The following TSPEAR variants were observed in gnomAD, a reference collection of about 807,000 sequenced individuals.
TSPEAR encodes thrombospondin-type laminin G domain and EAR repeat-containing protein.
A neutral mutation model predicts 71.6 loss-of-function variants in TSPEAR; 69 were observed. That is an observed-to-expected ratio of 0.96 (90% confidence interval 0.79 to 1.18). The LOEUF (loss-of-function observed/expected upper bound fraction) is 1.18, where lower values mean the gene tolerates loss of function less well. Among genes scored for constraint, TSPEAR ranks in the 50% most tolerant of loss-of-function variants. The pLI is 0.00. For synonymous variants in TSPEAR, 402 were observed against 387.2 expected (o/e 1.04, Z -0.45); for missense variants, 971 against 894.9 (o/e 1.09, Z -1.09).
At chr21:44,676,831 T>G (rs1986335061) in intron 1 of TSPEAR, 1 of 955,908 alleles carries the variant, frequency 1.0e-6, no homozygotes, top group Non-Finnish European at 1.7e-6. Context: ...TTCCAGCGTT[T>G]GTTTCTCCAA....
chr21:44,689,459 G>A (rs1196045530), intron 1 of TSPEAR, among the ~76,000 whole-genome samples: 3 of 150,522 alleles, frequency 2.0e-5, no homozygotes, highest in African/African-American at 7.4e-5. Flanking sequence ...CTGAGATCAT[G>A]CCACTGCACT....
intron 1 of TSPEAR, chr21:44,666,487 G>A (rs782362639): frequency 3.1e-6 from 5 of 1,607,468 alleles, no homozygotes; most frequent in Non-Finnish European, 4.2e-6. Context: ...GGTCTGCAGA[G>A]GACGCTGGTG....
intron 1 of TSPEAR, among the ~76,000 whole-genome samples, chr21:44,693,845 A>G (rs1555950076): frequency 6.6e-6 from 1 of 152,220 alleles, no homozygotes; most frequent in Non-Finnish European, 1.5e-5. Flanking sequence ...AAGTAAATAA[A>G]TAAAAAGAGA....
chr21:44,605,178 C>T (rs1981228666), intron 1 of TSPEAR, among the ~76,000 whole-genome samples: 2 of 151,830 alleles, frequency 1.3e-5, no homozygotes, highest in Admixed American at 1.3e-4. Flanking sequence ...GAACAATGAT[C>T]CAAAAAAGAG....
rs1388905046 is a variant in TSPEAR, at chr21:44,514,332, C to T, written c.1567-4946G>A. 2.6e-5 allele frequency among the ~76,000 whole-genome samples: 4 copies of T among 152,338 alleles called. No homozygotes were observed. The East Asian group carries it at 7.7e-4, about 29-fold the overall frequency. Reference sequence around the variant, plus strand: ...GCCCCCACTGTATCCTTGCCTACAGCACCTCTTGCCCTTCCATGGCCATGG... The same window carrying T: ...GCCCCCACTGTATCCTTGCCTACAGTACCTCTTGCCCTTCCATGGCCATGG... On this transcript the variant is annotated intron_variant, in intron 9 of 11. Transcript: ENST00000323084.
Position 44,687,696 on chromosome 21 carries a change from G to A in TSPEAR, c.82+23737C>T, listed in dbSNP as rs1284752193. On this transcript the variant is annotated intron_variant, in intron 1 of 11. Transcript: ENST00000323084. The surrounding 1 kb of genome is among the most constrained non-coding windows in gnomAD (Gnocchi z 4.4). ...ATGGTAAAGTCCAGGGTCCTGATGG[G>A]GGTCCTCTCCCAGCCAGGAGGGAAG... 1.3e-5 allele frequency among the ~76,000 whole-genome samples: 2 copies of A among 152,146 alleles called. No individual in the cohort carries two copies. The highest frequency in any genetic ancestry group is 6.5e-5 in the Admixed American group (1 of 15,280).
chr21:44,612,948 C>T lies in TSPEAR; in HGVS notation c.83-44943G>A, dbSNP rs1213076973. The T allele has an allele frequency of 6.3e-7, 1 of 1,583,994 alleles. No individual in the cohort carries two copies. Among genetic ancestry groups the T allele is most frequent in the Non-Finnish European group, 8.6e-7 (1 of 1,168,880 alleles). On this transcript the variant is annotated intron_variant, in intron 1 of 11. Transcript: ENST00000323084. The surrounding 1 kb of genome is among the most constrained non-coding windows in gnomAD (Gnocchi z 4.1). ...CCCCCAGGGCCAGCCGGCTCCGGTC[C>T]TGTCCTGGGTTAAGTGGCTGCCCCT... is the stretch of plus-strand genomic sequence containing the variant.
chr21:44,549,252 G>A (rs1192588199), intron 2 of TSPEAR, among the ~76,000 whole-genome samples: 3 of 152,106 alleles, frequency 2.0e-5, no homozygotes, highest in Admixed American at 6.5e-5. Context: ...GCCTGGGCGT[G>A]TAGGAAAAGC....
intron 1 of TSPEAR, among the ~76,000 whole-genome samples, chr21:44,667,958 C>T (rs1418273553): frequency 1.3e-5 from 2 of 152,256 alleles, no homozygotes; most frequent in African/African-American, 4.8e-5. Context: ...CAGCAAGCCT[C>T]ATACCCACTG....
At chr21:44,515,951 G>C (rs2052552858) in intron 9 of TSPEAR, 1 of 152,350 alleles carries the variant, frequency 6.6e-6, no homozygotes, top group South Asian at 2.1e-4. Context: ...AAACCAGGCT[G>C]CAGGCTCCAT....
At position 44,558,312 on chromosome 21, in the gene TSPEAR, G is replaced by A. The variant is rs782524222; in HGVS notation, c.303+9473C>T. 3.7e-6 allele frequency: 6 copies of A among 1,614,070 alleles called. No individual in the cohort carries two copies. In the South Asian group the frequency reaches 4.4e-5, roughly 12 times the overall value. ...CTGGCGGCTAGACTGCTGGCAGCAT[G>A]AAGAGGAAGCCCCAGAGCAGACGGG... is the stretch of plus-strand genomic sequence containing the variant. On this transcript the variant is annotated intron_variant, in intron 2 of 11. Coordinates refer to ENST00000323084, the MANE Select transcript of TSPEAR (RefSeq NM_144991.3).
At chr21:44,638,252 G>A in intron 1 of TSPEAR, 1 of 1,529,658 alleles carries the variant, frequency 6.5e-7, no homozygotes, top group Non-Finnish European at 8.8e-7. Context: ...GCCCTCTCTG[G>A]CTTTGACACC....
intron 1 of TSPEAR, among the ~76,000 whole-genome samples, chr21:44,602,733 A>G (rs116741704): frequency 0.84 from 127,311 of 151,878 alleles, 54,836 homozygotes; most frequent in Non-Finnish European, 0.94. Flanking sequence ...AACATCGCAC[A>G]CGCAGCGTCC....
intron 1 of TSPEAR, chr21:44,580,498 A>C: frequency 6.2e-7 from 1 of 1,613,540 alleles, no homozygotes; most frequent in South Asian, 1.1e-5. Context: ...AGGGGGGCTC[A>C]CAGCAGCTCT....
At chr21:44,561,083 C>A (rs1398852959) in intron 2 of TSPEAR, among the ~76,000 whole-genome samples, 1 of 152,010 alleles carries the variant, frequency 6.6e-6, no homozygotes, top group Non-Finnish European at 1.5e-5. Context: ...AGATAGATCA[C>A]TAGCTAGACT....
intron 5 of TSPEAR, 113 bp from the exon 6 acceptor site, chr21:44,528,696 C>CCT: frequency 7.3e-7 from 1 of 1,377,120 alleles, no homozygotes; most frequent in Non-Finnish European, 9.7e-7. Flanking sequence ...TGCATGCGGG[C>CCT]CTGGAAGGGC....
Position 44,508,736 on chromosome 21 carries a change from C to T in TSPEAR, c.1754+463G>A, listed in dbSNP as rs587697481. The T allele has an allele frequency of 7.9e-4, 995 of 1,254,508 alleles. 16 individuals carry two copies. The South Asian group carries it at 0.012, about 16-fold the overall frequency. The allele number at this position is 1,254,508 out of a possible 1,614,324, so 77.7% of individuals were successfully genotyped here. On this transcript the variant is annotated intron_variant, in intron 10 of 11. Coordinates refer to ENST00000323084, the MANE Select transcript of TSPEAR (RefSeq NM_144991.3). ...ACATCTGTCTCAACAGGCCAGTCTC[C>T]GTGTCCTGGTGTTTGTTGTCGGGGA...
At chr21:44,518,037 T>C (rs1209529622) in intron 9 of TSPEAR, among the ~76,000 whole-genome samples, 3 of 152,236 alleles carry the variant, frequency 2.0e-5, no homozygotes, top group East Asian at 3.8e-4. Flanking sequence ...GAAGATACTC[T>C]TAACTTTATA....
At chr21:44,666,596 G>T (rs781856237) in intron 1 of TSPEAR, 1 of 1,613,006 alleles carries the variant, frequency 6.2e-7, no homozygotes, top group Non-Finnish European at 8.5e-7. Context: ...GGCAGGAGGG[G>T]GCTGCACACA....
Sources: gnomAD v4.1 joint callset for allele counts (sites outside exome capture counted in the v4.1 genomes callset) on GRCh38, gnomAD v4.1.1 for gene constraint, Gnocchi (gnomAD v3.1) non-coding constraint, MANE v1.5 for transcripts, NCBI Gene and HGNC (gene_info 2026-07-23, HGNC 2026-07-21) for gene names.